Variants in YBX3 observed in about 807,000 individuals in gnomAD.
YBX3 encodes Y-box binding protein 3.
A neutral mutation model predicts 42.4 loss-of-function variants in YBX3; 29 were observed. The ratio of observed to expected loss-of-function variants is 0.68; its 90% CI spans 0.51 to 0.93. YBX3 has a LOEUF of 0.93. Ranked by LOEUF, YBX3 falls within the 40% of genes least tolerant of loss-of-function variation. YBX3 has a pLI of 0.00. For missense variants in YBX3, 517 were observed against 527.5 expected, an observed-to-expected ratio of 0.98 and a Z score of 0.19; for synonymous variants, 195 against 189.8, an observed-to-expected ratio of 1.03 and a Z score of -0.22.
intron 5 of YBX3, chr12:10,712,752 C>T (rs1313154173): frequency 2.6e-5 from 4 of 152,368 alleles, no homozygotes; most frequent in African/African-American, 9.7e-5. Flanking sequence ...TGAAGAGAAA[C>T]CTTGTTAAAA....
intron 9 of YBX3, among the ~76,000 whole-genome samples, chr12:10,701,039 C>T (rs1027413987): frequency 5.3e-5 from 8 of 152,186 alleles, no homozygotes; most frequent in African/African-American, 1.9e-4. Context: ...TCAACTCTGT[C>T]TGAATGCTTA....
At chr12:10,701,895 G>T in intron 8 of YBX3, 65 bp downstream of exon 8, 1 of 1,522,584 alleles carries the variant, frequency 6.6e-7, no homozygotes, top group Admixed American at 2.2e-5. Flanking sequence ...ACCACTTTTA[G>T]AATGCTAAAG....
chr12:10,715,097 A>C (rs893485097), intron 4 of YBX3, among the ~76,000 whole-genome samples: 4 of 152,140 alleles, frequency 2.6e-5, no homozygotes, highest in Non-Finnish European at 2.9e-5. Context: ...GTTAAATTTT[A>C]ATCTGCATTT....
intron 6 of YBX3, among the ~76,000 whole-genome samples, chr12:10,706,169 G>GT (rs1948134806): frequency 6.6e-6 from 1 of 152,164 alleles, no homozygotes; most frequent in South Asian, 2.1e-4. Flanking sequence ...GCAAACACAC[G>GT]TGCCTACCTT....
At chr12:10,721,938 G>C (rs1948331137) in intron 1 of YBX3, 1 of 152,212 alleles carries the variant, frequency 6.6e-6, no homozygotes, top group African/African-American at 2.4e-5. Flanking sequence ...CTTGTTATGT[G>C]ACTAAACCAA....
At chr12:10,701,703 CTCT>C (rs1948081139) in intron 8 of YBX3, among the ~76,000 whole-genome samples, 1 of 152,200 alleles carries the variant, frequency 6.6e-6, no homozygotes, top group East Asian at 1.9e-4. Flanking sequence ...ATAAATGCCT[CTCT>C]TCTTTGAAGA....
At chr12:10,707,295 AAT>A (rs1404646975) in intron 6 of YBX3, among the ~76,000 whole-genome samples, 4 of 152,270 alleles carry the variant, frequency 2.6e-5, no homozygotes, top group Non-Finnish European at 4.4e-5. Flanking sequence ...ACGTGAATTT[AAT>A]ATGAGAAAAA....
At chr12:10,710,307 G>C in intron 5 of YBX3, 193 bp from the exon 6 acceptor site, 2 of 1,456,876 alleles carry the variant, frequency 1.4e-6, no homozygotes, top group East Asian at 2.5e-5. Flanking sequence ...GATTAGAGTA[G>C]ATCTGTGCAG....
In YBX3 at chr12:10,723,122, C is replaced by T. The variant is rs1948354747; in HGVS notation, c.-11G>A. 8.3e-7 allele frequency: 1 copy of T among 1,201,246 alleles called. No homozygotes were observed. The highest frequency in any genetic ancestry group is 1.0e-6 in the Non-Finnish European group (1 of 968,754). The allele number at this position is 1,201,246 out of a possible 1,614,324, so 74.4% of individuals were successfully genotyped here. A position where few individuals can be genotyped will look rare whatever the true frequency, so the allele number is the denominator to read the frequency against. On this transcript the variant is annotated 5_prime_UTR_variant, in exon 1 of 10. Transcript: ENST00000228251. Reference sequence around the variant, plus strand: ...GCCCGCCTCACTCATGCCTCCTCCTCCTCTGCTCTCGCTCAGGCGCCTCGG... The same window carrying T: ...GCCCGCCTCACTCATGCCTCCTCCTTCTCTGCTCTCGCTCAGGCGCCTCGG...
chr12:10,707,727 T>C (rs1423397531), intron 6 of YBX3, among the ~76,000 whole-genome samples: 1 of 152,222 alleles, frequency 6.6e-6, no homozygotes, highest in Non-Finnish European at 1.5e-5. Flanking sequence ...TCTACCAGCA[T>C]GTCTGACCTC....
At chr12:10,707,847 T>C (rs1309300273) in intron 6 of YBX3, among the ~76,000 whole-genome samples, 2 of 152,174 alleles carry the variant, frequency 1.3e-5, no homozygotes, top group Non-Finnish European at 2.9e-5. Context: ...TCAGAAACTG[T>C]TGAGTCACAA....
At chr12:10,717,341 T>C (rs1431072483) in intron 3 of YBX3, among the ~76,000 whole-genome samples, 1 of 152,214 alleles carries the variant, frequency 6.6e-6, no homozygotes, top group Non-Finnish European at 1.5e-5. Context: ...TGAGAACGCA[T>C]ATTTCAGACA....
At position 10,719,077 on chromosome 12, in the gene YBX3, T is replaced by C. The variant is rs754842562; in HGVS notation, c.326+3A>G. Reference sequence around the variant, plus strand: ...AAACATGCAAATATACACACACACATACCGATTTATAAATCCATATCCATT... The same window carrying C: ...AAACATGCAAATATACACACACACACACCGATTTATAAATCCATATCCATT... On this transcript the variant is annotated splice_donor_region_variant and intron_variant, in intron 2 of 9. Transcript: ENST00000228251. 2 of 1,612,528 alleles carry C rather than the reference T, an allele frequency of 1.2e-6. No individual in the cohort carries two copies. Among genetic ancestry groups the C allele is most frequent in the Admixed American group, 1.7e-5 (1 of 59,886 alleles).
rs1948356934 is a variant in YBX3, at chr12:10,723,234, G to A, written c.-123C>T. 1.2e-5 allele frequency: 14 copies of A among 1,161,388 alleles called. No homozygotes were observed. The South Asian group carries it at 1.7e-4, about 14-fold the overall frequency. 71.9% of individuals were successfully genotyped at this position (1,161,388 alleles called of 1,614,324 possible). ...AGGCCGGGGCGGATCTCGCGGCGCA[G>A]GCGGCGGCGGCCGAGGTGGGGTCGC... On this transcript the variant is annotated 5_prime_UTR_variant, in exon 1 of 10. Coordinates refer to ENST00000228251, the MANE Select transcript of YBX3 (RefSeq NM_003651.5).
Position 10,723,056 on chromosome 12 carries a change from G to C in YBX3, c.56C>G (p.Pro19Arg). The stretch of plus-strand genomic sequence containing the variant: ...GGGAGCCGCGGCGGCCGCCTCCGTC[G>C]GAGCCTGCGGGAGGGTGGTGGTGGT... Reference protein sequence around the residue: ...TTTTTTLPQAPTEAAAAAPQD... With the variant: ...TTTTTTLPQARTEAAAAAPQD... Residue 19 changes from proline (P) to arginine (R), a missense_variant, in exon 1 of 10, where the codon CCG (proline) becomes CGG (arginine). Physicochemically the swap from Pro to Arg is moderately radical, Grantham distance 103. Coordinates refer to ENST00000228251, the MANE Select transcript of YBX3 (RefSeq NM_003651.5). 1 of 1,208,024 alleles carries C rather than the reference G, an allele frequency of 8.3e-7. No individual in the cohort carries two copies. Among genetic ancestry groups the C allele is most frequent in the South Asian group, 4.1e-5 (1 of 24,324 alleles). 74.8% of individuals were successfully genotyped at this position (1,208,024 alleles called of 1,614,324 possible).
Position 10,699,385 on chromosome 12 carries a change from C to T in YBX3, c.*304G>A, listed in dbSNP as rs1948054437. On this transcript the variant is annotated 3_prime_UTR_variant, in exon 10 of 10. Coordinates refer to ENST00000228251, the MANE Select transcript of YBX3 (RefSeq NM_003651.5). Reference sequence around the variant, plus strand: ...TATATATTACCAAAACAGTAAAAACCAGGAAAAAAAATAGAAACCTAGCGG... The same window carrying T: ...TATATATTACCAAAACAGTAAAAACTAGGAAAAAAAATAGAAACCTAGCGG... The T allele has an allele frequency of 6.6e-6, 1 of 152,322 alleles. No individual in the cohort carries two copies. The highest frequency in any genetic ancestry group is 2.4e-5 in the African/African-American group (1 of 41,358). 9.4% of individuals were successfully genotyped at this position (152,322 alleles called of 1,614,324 possible).
intron 6 of YBX3, among the ~76,000 whole-genome samples, chr12:10,709,003 C>T (rs989253184): frequency 2.6e-5 from 4 of 152,114 alleles, no homozygotes; most frequent in Non-Finnish European, 5.9e-5. Flanking sequence ...CCAATCTCTC[C>T]ATATATGTAA....
chr12:10,700,477 C>A (rs1040240549), intron 9 of YBX3, among the ~76,000 whole-genome samples: 7 of 151,506 alleles, frequency 4.6e-5, no homozygotes, highest in African/African-American at 1.7e-4. Context: ...AAAAACAAAC[C>A]CAGAATTTAT....
At chr12:10,702,824 T>G (rs1255754801) in intron 7 of YBX3, 1 of 152,218 alleles carries the variant, frequency 6.6e-6, no homozygotes, top group Non-Finnish European at 1.5e-5. Flanking sequence ...AGAAACATTA[T>G]TATGTGCCAG....
Sources: allele counts gnomAD v4.1 joint callset (sites outside exome capture counted in the v4.1 genomes callset), GRCh38; gene constraint gnomAD v4.1.1; transcripts MANE v1.5; gene names NCBI Gene and HGNC (gene_info 2026-07-23, HGNC 2026-07-21).